The following COL4A3 variants were observed in gnomAD, a reference collection of about 807,000 sequenced individuals.
The protein encoded by COL4A3 is collagen alpha-3(IV) chain.
In COL4A3, 135 loss-of-function variants were observed where a neutral mutation model predicts 217.4. The observed-to-expected ratio is 0.62, with a 90% confidence interval of 0.54 to 0.72. The LOEUF is 0.72. COL4A3 is among the 30% of genes least tolerant of loss of function. The pLI is 0.00. For missense variants in COL4A3, 1,868 were observed against 2,119.9 expected, an observed-to-expected ratio of 0.88 and a Z score of 2.33; for synonymous variants, 690 against 736.3, an observed-to-expected ratio of 0.94 and a Z score of 1.02.
At chr2:227,297,537 T>A in intron 41 of COL4A3, 137 bp from the exon 42 acceptor site, 1 of 783,562 alleles carries the variant, frequency 1.3e-6, no homozygotes, top group Non-Finnish European at 2.0e-6. Flanking sequence ...CAATATATTA[T>A]AAAATATATA....
At chr2:227,249,231 T>TATATATA (rs71036175) in intron 9 of COL4A3, among the ~76,000 whole-genome samples, 8 of 19,502 alleles carry the variant, frequency 4.1e-4, no homozygotes, top group African/African-American at 7.6e-4. Flanking sequence ...TATATATATA[T>TATATATA]TTTTTTTTTT....
At chr2:227,225,709 C>CTTTTTTTTTTTTT (rs71829862) in intron 1 of COL4A3, among the ~76,000 whole-genome samples, 3 of 126,244 alleles carry the variant, frequency 2.4e-5, no homozygotes, top group Non-Finnish European at 1.6e-5. Context: ...CTTTTTCTTT[C>CTTTTTTTTTTTTT]TTTTTTTTTT....
intron 27 of COL4A3, 125 bp downstream of exon 27, chr2:227,276,602 G>A (rs1400714616): frequency 1.3e-5 from 10 of 765,154 alleles, no homozygotes; most frequent in African/African-American, 1.0e-4. Context: ...AGAGAGCACA[G>A]GGCAGTGTCT....
intron 43 of COL4A3, among the ~76,000 whole-genome samples, chr2:227,302,537 T>C (rs2073330892): frequency 6.6e-6 from 1 of 151,378 alleles, no homozygotes; most frequent in African/African-American, 2.4e-5. Context: ...ATTAGCCAGG[T>C]GTGGTGGTGC....
chr2:227,266,587 T>A, intron 22 of COL4A3, 78 bp downstream of exon 22: 1 of 1,122,256 alleles, frequency 8.9e-7, no homozygotes, highest in Non-Finnish European at 1.3e-6. Flanking sequence ...CCCCCTGAGA[T>A]AACAATGATC....
At chr2:227,258,307 T>C (rs2070322522) in intron 18 of COL4A3, among the ~76,000 whole-genome samples, 1 of 152,120 alleles carries the variant, frequency 6.6e-6, no homozygotes, top group South Asian at 2.1e-4. Context: ...AAAAGGGTCA[T>C]GAGGGGAAGG....
rs1049859535 is a variant in COL4A3 at position 227,298,908 on chromosome 2, C to T, written c.3882+96C>T. On this transcript the variant is annotated intron_variant, in intron 43 of 51. Transcript: ENST00000396578. The stretch of plus-strand genomic sequence containing the variant: ...TTATATCATATATTGTTGATGTTAA[C>T]TGTATTAGTCCATTCTCATGATGTT... The T allele has an allele frequency of 3.4e-6, 4 of 1,164,876 alleles. No homozygotes were observed. In the African/African-American group the frequency reaches 6.2e-5, roughly 18 times the overall value. 72.2% of individuals were successfully genotyped at this position (1,164,876 alleles called of 1,614,324 possible). A position where few individuals can be genotyped will look rare whatever the true frequency, so the allele number is the denominator to read the frequency against.
intron 14 of COL4A3, 39 bp downstream of exon 14, chr2:227,254,213 A>G: frequency 1.3e-6 from 2 of 1,553,402 alleles, no homozygotes; most frequent in Non-Finnish European, 1.8e-6. Flanking sequence ...ATAACACATA[A>G]AGTAGAGCCT....
intron 34 of COL4A3, 106 bp downstream of exon 34, chr2:227,284,451 T>G: frequency 7.6e-7 from 1 of 1,311,460 alleles, no homozygotes; most frequent in Non-Finnish European, 1.1e-6. Context: ...TGAGGGCCAG[T>G]GTTTAGTTAC....
intron 1 of COL4A3, among the ~76,000 whole-genome samples, chr2:227,206,376 T>A (rs1001293798): frequency 6.6e-6 from 1 of 152,058 alleles, no homozygotes; most frequent in African/African-American, 2.4e-5. Context: ...CCCCGCCCCC[T>A]CAGGTGATTC....
chr2:227,251,066 C>G, intron 9 of COL4A3, 74 bp from the exon 10 acceptor site: 1 of 1,061,500 alleles, frequency 9.4e-7, no homozygotes, highest in Non-Finnish European at 1.5e-6. Context: ...TATTTTAATG[C>G]ATTTAATTAA....
rs181040690 is a variant in COL4A3 at position 227,238,042 on chromosome 2, T to G, written c.144+18T>G. ...GGGAGAAGGTAAAAACAAACCCTAA[T>G]ACTGCTTGTTTACACTGTAAAGCTC... On this transcript the variant is annotated intron_variant, in intron 2 of 51. Coordinates refer to ENST00000396578, the MANE Select transcript of COL4A3 (RefSeq NM_000091.5). The G allele has an allele frequency of 2.1e-4, 314 of 1,523,628 alleles. No individual in the cohort carries two copies. In the African/African-American group the frequency reaches 4.0e-3, roughly 19 times the overall value. 94.4% of individuals were successfully genotyped at this position (1,523,628 alleles called of 1,614,324 possible). A position where few individuals can be genotyped will look rare whatever the true frequency, so the allele number is the denominator to read the frequency against.
chr2:227,173,229 C>A (rs111941627), intron 1 of COL4A3, among the ~76,000 whole-genome samples: 7,534 of 152,196 alleles, frequency 0.05, 228 homozygotes, highest in Admixed American at 0.087. Context: ...AATAAAAATT[C>A]TCAGTGTTAG....
chr2:227,307,916 C>A lies in COL4A3; in HGVS notation c.4459C>A (p.Leu1487Ile). The A allele has an allele frequency of 1.2e-6, 2 of 1,613,900 alleles. No homozygotes were observed. The highest frequency in any genetic ancestry group is 1.7e-6 in the Non-Finnish European group (2 of 1,179,910). ...QGNQRAHGQD[L>I]GTLGSCLQRF... ...AAATCAACGAGCCCACGGACAAGAC[C>A]TTGGTAATGTCCCAGTCCCAGTTGC... The change falls in exon 48 of 52, where the codon CTT becomes ATT. Residue 1487 changes from leucine (L) to isoleucine (I), a missense_variant. By Grantham distance (5) the Leu-to-Ile change is conservative (BLOSUM62 2). Coordinates refer to ENST00000396578, the MANE Select transcript of COL4A3 (RefSeq NM_000091.5).
At position 227,284,258 on chromosome 2, in the gene COL4A3, G is replaced by T. The variant is rs1338508417; in HGVS notation, c.2794G>T (p.Ala932Ser). ...GVKGQRGTPGAKGEQGDKGNP... is the reference protein window; with the variant it reads ...GVKGQRGTPGSKGEQGDKGNP... The stretch of plus-strand genomic sequence containing the variant: ...AAAGGGCCAGAGAGGAACCCCAGGA[G>T]CCAAGGGGGAACAAGGAGATAAAGG... Residue 932 changes from alanine to serine, a missense_variant, in exon 34 of 52, where the codon GCC becomes TCC. This residue lies in a region of COL4A3 where 1,503 missense variants were observed against 1,786.1 expected (regional missense o/e 0.84). Transcript: ENST00000396578. The T allele has an allele frequency of 2.0e-5, 32 of 1,613,942 alleles. No homozygotes were observed. The Admixed American group carries it at 5.3e-4, about 27-fold the overall frequency.
At chr2:227,290,608 CA>C in intron 36 of COL4A3, 138 bp from the exon 37 acceptor site, 1 of 684,416 alleles carries the variant, frequency 1.5e-6, no homozygotes, top group Non-Finnish European at 2.5e-6. Flanking sequence ...ATATAATAAT[CA>C]TCTATTGTAA....
chr2:227,210,950 G>A (rs756016143), intron 1 of COL4A3, among the ~76,000 whole-genome samples: 5 of 151,988 alleles, frequency 3.3e-5, no homozygotes, highest in Non-Finnish European at 7.4e-5. Flanking sequence ...ACGTGTGTTC[G>A]TTTTCATCTT....
intron 24 of COL4A3, among the ~76,000 whole-genome samples, chr2:227,270,420 G>A (rs2071168490): frequency 6.6e-6 from 1 of 152,132 alleles, no homozygotes; most frequent in Non-Finnish European, 1.5e-5. Flanking sequence ...CTGTCATAGT[G>A]AATCAAAAAG....
intron 1 of COL4A3, among the ~76,000 whole-genome samples, chr2:227,216,432 G>T (rs144560397): frequency 1.3e-5 from 2 of 152,076 alleles, no homozygotes; most frequent in Non-Finnish European, 2.9e-5. Context: ...AGACCTTACC[G>T]CATCTCTTTA....
Sources: gnomAD v4.1 joint callset for allele counts (sites outside exome capture counted in the v4.1 genomes callset) on GRCh38, gnomAD v4.1.1 for gene constraint, gnomAD v4.1.1 regional missense constraint, MANE v1.5 for transcripts, NCBI Gene and HGNC (gene_info 2026-07-23, HGNC 2026-07-21) for gene names.